The following BRD4 variants were observed in gnomAD, a reference collection of about 807,000 sequenced individuals.
The protein encoded by BRD4 is bromodomain-containing protein 4.
Under a neutral mutation model 142.1 loss-of-function variants are expected in BRD4, and 16 were observed. That is an observed-to-expected ratio of 0.11 (90% CI 0.08 to 0.17). BRD4 has a LOEUF of 0.17. Among genes scored for constraint, BRD4 ranks in the 10% least tolerant of loss-of-function variants. The pLI is 1.00. For synonymous variants in BRD4, 833 were observed against 707.5 expected (o/e 1.18, Z -2.82); for missense variants, 1,424 against 1,810.9 (o/e 0.79, Z 3.88).
intron 1 of BRD4, among the ~76,000 whole-genome samples, chr19:15,284,665 C>T (rs1000322812): frequency 6.6e-6 from 1 of 152,212 alleles, no homozygotes; most frequent in Non-Finnish European, 1.5e-5. Context: ...CCTCCACACA[C>T]ATTCAGTGTC....
intron 1 of BRD4, among the ~76,000 whole-genome samples, chr19:15,317,665 A>G (rs1283106705): frequency 6.6e-6 from 1 of 152,038 alleles, no homozygotes; most frequent in African/African-American, 2.4e-5. Context: ...GGGGAAAGAG[A>G]CACAGGCCAG....
intron 1 of BRD4, among the ~76,000 whole-genome samples, chr19:15,278,842 GTT>G (rs1279851738): frequency 6.6e-6 from 1 of 152,102 alleles, no homozygotes; most frequent in African/African-American, 2.4e-5. Context: ...AAGCATGCCT[GTT>G]TTCTTTTCTT....
At chr19:15,266,099 G>A (rs2047531774) in intron 4 of BRD4, among the ~76,000 whole-genome samples, 1 of 152,206 alleles carries the variant, frequency 6.6e-6, no homozygotes, top group South Asian at 2.1e-4. Flanking sequence ...CCCACCTCCT[G>A]GAACCACAGG....
chr19:15,320,718 C>A (rs770992364), intron 1 of BRD4, among the ~76,000 whole-genome samples: 285 of 152,300 alleles, frequency 1.9e-3, no homozygotes, highest in Middle Eastern at 3.4e-3. Context: ...TCCCAGAGCT[C>A]CTTCTATGCC....
chr19:15,292,453 G>A (rs1219696975), intron 1 of BRD4, among the ~76,000 whole-genome samples: 1 of 152,144 alleles, frequency 6.6e-6, no homozygotes, highest in Non-Finnish European at 1.5e-5. Flanking sequence ...AGGGCATCGT[G>A]AGCAAATGAG....
intron 11 of BRD4, among the ~76,000 whole-genome samples, chr19:15,251,221 C>G (rs1417798737): frequency 6.6e-6 from 1 of 152,106 alleles, no homozygotes; most frequent in Non-Finnish European, 1.5e-5. Flanking sequence ...AGGACCACCC[C>G]ACGCCTGCAT....
intron 1 of BRD4, among the ~76,000 whole-genome samples, chr19:15,286,344 G>A (rs2145657355): frequency 6.6e-6 from 1 of 152,336 alleles, no homozygotes; most frequent in East Asian, 1.9e-4. Flanking sequence ...TATTAGCACA[G>A]AAGACGAGAA....
intron 1 of BRD4, among the ~76,000 whole-genome samples, chr19:15,303,350 C>A (rs773875263): frequency 1.5e-4 from 23 of 152,220 alleles, no homozygotes; most frequent in Non-Finnish European, 2.8e-4. Context: ...TCCTTGGCCC[C>A]ATGTTTAAAT....
intron 14 of BRD4, 91 bp downstream of exon 14, chr19:15,242,809 T>C: frequency 1.3e-6 from 2 of 1,530,646 alleles, no homozygotes; most frequent in Non-Finnish European, 1.8e-6. Context: ...CACTGCAGCC[T>C]GAAGCATGAG....
rs568158828 is a variant in BRD4 at position 15,321,030 on chromosome 19, T to C, written c.-35+11260A>G. Reference sequence around the variant, plus strand: ...GGATGGATCACCTGAGGTCAGGAGTTTGAGACCAGCCTGGCCAACGGGGTG... The same window carrying C: ...GGATGGATCACCTGAGGTCAGGAGTCTGAGACCAGCCTGGCCAACGGGGTG... On this transcript the variant is annotated intron_variant, in intron 1 of 19. Transcript: ENST00000679869. 4.6e-5 allele frequency among the ~76,000 whole-genome samples: 7 copies of C among 152,258 alleles called. No homozygotes were observed. In the East Asian group the frequency reaches 9.7e-4, roughly 21 times the overall value.
intron 1 of BRD4, among the ~76,000 whole-genome samples, chr19:15,324,621 A>G (rs1459102359): frequency 1.3e-5 from 2 of 152,238 alleles, no homozygotes; most frequent in Non-Finnish European, 2.9e-5. Context: ...GGAGGCCAGA[A>G]AGGTATGGAA....
chr19:15,317,700 T>C (rs1003638860), intron 1 of BRD4, among the ~76,000 whole-genome samples: 3 of 151,924 alleles, frequency 2.0e-5, no homozygotes, highest in Admixed American at 6.6e-5. Flanking sequence ...CTCTCACAAG[T>C]GCAAAGGACA....
At chr19:15,316,282 T>A (rs148251784) in intron 1 of BRD4, among the ~76,000 whole-genome samples, 1 of 151,750 alleles carries the variant, frequency 6.6e-6, no homozygotes, top group East Asian at 1.9e-4. Context: ...GTTTACTTAC[T>A]TCCCCCCAAC....
intron 1 of BRD4, among the ~76,000 whole-genome samples, chr19:15,282,614 G>A (rs2145650547): frequency 6.6e-6 from 1 of 152,302 alleles, no homozygotes; most frequent in Admixed American, 6.5e-5. Context: ...GATTATGATA[G>A]AAATGTCATT....
In BRD4 at chr19:15,263,535, G is replaced by C; in HGVS notation, c.1226C>G (p.Ala409Gly). The change falls in exon 7 of 20, where the codon GCC (alanine) becomes GGC (glycine). Residue 409 changes from alanine to glycine, a missense_variant. Physicochemically the swap from Ala to Gly is moderately conservative, Grantham distance 60 (BLOSUM62 0). Transcript: ENST00000679869. ...DMSTIKSKLE[A>G]REYRDAQEFG... Reference sequence around the variant, plus strand: ...CTCCTGAGCATCACGGTACTCACGGGCCTCCAGTTTAGACTGGAAAACAAG... The same window carrying C: ...CTCCTGAGCATCACGGTACTCACGGCCCTCCAGTTTAGACTGGAAAACAAG... 1 of 1,614,206 alleles carries C rather than the reference G, an allele frequency of 6.2e-7. No homozygotes were observed. The highest frequency in any genetic ancestry group is 8.5e-7 in the Non-Finnish European group (1 of 1,180,042).
At position 15,243,305 on chromosome 19, in the gene BRD4, G is replaced by A; in HGVS notation, c.2764C>T (p.Pro922Ser). 1 of 1,486,994 alleles carries A rather than the reference G, an allele frequency of 6.7e-7. No homozygotes were observed. The allele number at this position is 1,486,994 out of a possible 1,614,324, so 92.1% of individuals were successfully genotyped here. ...AGCTGCATCTGCATGGAGGTGAGGGGTGGGGCAGGTGGCTCTTCATCCTCC... is the reference window on the plus strand; with the variant it reads ...AGCTGCATCTGCATGGAGGTGAGGGATGGGGCAGGTGGCTCTTCATCCTCC... The part of the protein sequence containing the change: ...LLEDEEPPAP[P>S]LTSMQMQLYL... Residue 922 changes from proline to serine, a missense_variant, in exon 14 of 20, where the codon CCC becomes TCC. Around this residue, in one of 16 missense-constraint regions of BRD4, gnomAD observed 598 missense variants for 647.8 expected, o/e 0.92. Coordinates refer to ENST00000679869, the MANE Select transcript of BRD4 (RefSeq NM_001379291.1).
chr19:15,321,754 GA>G (rs958988351), intron 1 of BRD4, among the ~76,000 whole-genome samples: 95 of 152,232 alleles, frequency 6.2e-4, no homozygotes, highest in African/African-American at 2.1e-3. Context: ...AATAACATCT[GA>G]GAATAATCGA....
chr19:15,258,946 G>C (rs2047440530), intron 7 of BRD4, among the ~76,000 whole-genome samples: 1 of 152,222 alleles, frequency 6.6e-6, no homozygotes, highest in Admixed American at 6.5e-5. Flanking sequence ...CAAGGAAGAA[G>C]ATACACAACA....
At chr19:15,269,754 A>T (rs942668642) in intron 2 of BRD4, among the ~76,000 whole-genome samples, 4 of 152,212 alleles carry the variant, frequency 2.6e-5, no homozygotes, top group African/African-American at 9.7e-5. Context: ...CCCAACCCTC[A>T]AACTTTCAGA....
Sources: gnomAD v4.1 joint callset for allele counts (sites outside exome capture counted in the v4.1 genomes callset) on GRCh38, gnomAD v4.1.1 for gene constraint, gnomAD v4.1.1 regional missense constraint, MANE v1.5 for transcripts, NCBI Gene and HGNC (gene_info 2026-07-23, HGNC 2026-07-21) for gene names.